Variants in GLIS3 observed in about 807,000 individuals in gnomAD.
GLIS3 encodes the protein zinc finger protein GLIS3.
A neutral mutation model predicts 78.6 loss-of-function variants in GLIS3; 53 were observed. The ratio of observed to expected loss-of-function variants is 0.67; its 90% CI spans 0.54 to 0.85. GLIS3 has a LOEUF of 0.85. GLIS3 is among the 40% of genes least tolerant of loss of function. The probability of loss-of-function intolerance (pLI) is 0.00; values close to 1 mark genes in which losing one functional copy is unlikely to be tolerated. For synonymous variants in GLIS3, 684 were observed against 509.9 expected, an observed-to-expected ratio of 1.34 and a Z score of -4.60; for missense variants, 1,703 against 1,231.1, an observed-to-expected ratio of 1.38 and a Z score of -5.74.
rs371906288 is a variant in GLIS3 at position 4,081,825 on chromosome 9, C to A, written c.1710+35943G>T. Among the ~76,000 whole-genome samples the A allele has an allele frequency of 7.9e-5, 12 of 152,302 alleles. No homozygotes were observed. In the East Asian group the frequency reaches 2.3e-3, roughly 29 times the overall value. The stretch of plus-strand genomic sequence containing the variant: ...CCCTCCAGAAGCCATTATATACAAG[C>A]AATTCTACAATCATTACCAAGAAAA... On this transcript the variant is annotated intron_variant, in intron 4 of 10. Coordinates refer to ENST00000381971, the MANE Select transcript of GLIS3 (RefSeq NM_001042413.2).
intron 4 of GLIS3, chr9:4,034,794 C>T (rs1824169111): frequency 6.6e-6 from 1 of 152,186 alleles, no homozygotes; most frequent in African/African-American, 2.4e-5. Context: ...CCTCACACCC[C>T]AGAGTATGGA....
chr9:4,351,489 A>G (rs554915115), upstream of GLIS3, among the ~76,000 whole-genome samples: 2 of 152,002 alleles, frequency 1.3e-5, no homozygotes, highest in Non-Finnish European at 2.9e-5. Context: ...AGTTTAGAAT[A>G]TACACTGAAA....
the GLIS3 span, among the ~76,000 whole-genome samples, chr9:4,382,765 G>T: frequency 6.6e-6 from 1 of 152,156 alleles, no homozygotes; most frequent in East Asian, 1.9e-4. Context: ...AACCCTTCAA[G>T]ATCAGGGCCT....
the GLIS3 span, among the ~76,000 whole-genome samples, chr9:4,376,246 GGTT>G: frequency 6.6e-6 from 1 of 152,250 alleles, no homozygotes; most frequent in South Asian, 2.1e-4. Context: ...GAAGGAAACA[GGTT>G]GGTGGGGAAA....
chr9:4,262,411 G>C (rs528942467), intron 2 of GLIS3, among the ~76,000 whole-genome samples: 1 of 152,224 alleles, frequency 6.6e-6, no homozygotes, highest in South Asian at 2.1e-4. Context: ...AAGCTGGAGA[G>C]GGCAGCGGGA....
intron 2 of GLIS3, among the ~76,000 whole-genome samples, chr9:4,159,092 C>G (rs903881992): frequency 8.1e-5 from 12 of 148,944 alleles, no homozygotes; most frequent in Non-Finnish European, 1.6e-4. Context: ...GAATGTGGTA[C>G]CAGATAAATT....
At chr9:4,156,599 A>C (rs1394594707) in intron 2 of GLIS3, among the ~76,000 whole-genome samples, 1 of 152,176 alleles carries the variant, frequency 6.6e-6, no homozygotes, top group Non-Finnish European at 1.5e-5. Flanking sequence ...ATATTTCCCA[A>C]AACCCTTCAA....
chr9:4,055,381 C>T (rs1037470406), intron 4 of GLIS3, among the ~76,000 whole-genome samples: 1 of 152,078 alleles, frequency 6.6e-6, no homozygotes, highest in African/African-American at 2.4e-5. Context: ...TTTCTATGTC[C>T]CTCAGTATCA....
chr9:4,208,144 C>T (rs903451296), intron 2 of GLIS3, among the ~76,000 whole-genome samples: 1 of 152,180 alleles, frequency 6.6e-6, no homozygotes, highest in Non-Finnish European at 1.5e-5. Flanking sequence ...GGGAGAAAAG[C>T]TTTTATTTGA....
chr9:4,192,750 G>T (rs1298660315), intron 2 of GLIS3, among the ~76,000 whole-genome samples: 2 of 151,294 alleles, frequency 1.3e-5, no homozygotes, highest in Admixed American at 6.6e-5. Context: ...GTTGTTCCGT[G>T]TCTCACTAGG....
At chr9:4,112,409 A>G (rs1371204086) in intron 4 of GLIS3, among the ~76,000 whole-genome samples, 1 of 152,234 alleles carries the variant, frequency 6.6e-6, no homozygotes, top group Non-Finnish European at 1.5e-5. Flanking sequence ...CCTGCATCTT[A>G]ACAGAAGTAA....
At chr9:3,872,676 A>G (rs1232279702) in intron 8 of GLIS3, among the ~76,000 whole-genome samples, 1 of 152,206 alleles carries the variant, frequency 6.6e-6, no homozygotes, top group Admixed American at 6.5e-5. Flanking sequence ...GATCCCTCCC[A>G]CAACACGTAG....
intron 4 of GLIS3, among the ~76,000 whole-genome samples, chr9:3,983,645 C>T (rs1173639133): frequency 1.3e-5 from 2 of 152,136 alleles, no homozygotes; most frequent in African/African-American, 4.8e-5. Context: ...GGAACTGGAA[C>T]AAAGGTGACT....
intron 6 of GLIS3, among the ~76,000 whole-genome samples, chr9:3,899,398 T>A (rs1823115481): frequency 1.3e-5 from 2 of 150,836 alleles, no homozygotes; most frequent in South Asian, 2.1e-4. Flanking sequence ...CAGAACAATT[T>A]AGATCTTATA....
At chr9:4,369,998 C>A in the GLIS3 span, among the ~76,000 whole-genome samples, 3 of 151,996 alleles carry the variant, frequency 2.0e-5, no homozygotes, top group East Asian at 5.8e-4. Context: ...TCGAGACCAG[C>A]CTGGCCAAAA....
rs534410380 is a variant in GLIS3, at chr9:4,067,259, TAAAG to T, written c.1710+50505_1710+50508del. ...TAATAGAAAGTATAATACTTTATATTAAAGACTCACTATATTAAAATTCTTTAAT... is the reference window on the plus strand; with the variant it reads ...TAATAGAAAGTATAATACTTTATATTACTCACTATATTAAAATTCTTTAAT... On this transcript the variant is annotated intron_variant, in intron 4 of 10. Coordinates refer to ENST00000381971, the MANE Select transcript of GLIS3 (RefSeq NM_001042413.2). Among the ~76,000 whole-genome samples the T allele has an allele frequency of 2.0e-5, 3 of 151,600 alleles. No homozygotes were observed. In the South Asian group the frequency reaches 6.2e-4, roughly 31 times the overall value.
chr9:4,222,056 G>C (rs992332592), intron 2 of GLIS3, among the ~76,000 whole-genome samples: 3 of 152,150 alleles, frequency 2.0e-5, no homozygotes, highest in Non-Finnish European at 2.9e-5. Context: ...CAGACCTCAA[G>C]GGAGCATCCA....
intron 4 of GLIS3, among the ~76,000 whole-genome samples, chr9:4,099,653 C>G (rs965090964): frequency 2.0e-5 from 3 of 152,168 alleles, no homozygotes; most frequent in African/African-American, 7.2e-5. Flanking sequence ...CAACCCATAA[C>G]AAAGTCCTGC....
the GLIS3 span, among the ~76,000 whole-genome samples, chr9:4,421,126 G>A: frequency 0.17 from 26,458 of 152,058 alleles, 2,403 homozygotes; most frequent in South Asian, 0.21. Flanking sequence ...CTGCTGACTT[G>A]TAAAGCACTG....
Sources: allele counts gnomAD v4.1 joint callset (sites outside exome capture counted in the v4.1 genomes callset), GRCh38; gene constraint gnomAD v4.1.1; transcripts MANE v1.5; gene names NCBI Gene and HGNC (gene_info 2026-07-23, HGNC 2026-07-21).